EYS: variants seen among roughly 807,000 people sequenced by gnomAD.
EYS encodes protein eyes shut homolog.
Under a neutral mutation model 282.1 loss-of-function variants are expected in EYS, and 250 were observed. The ratio of observed to expected loss-of-function variants is 0.89; its 90% CI spans 0.80 to 0.98. The LOEUF (loss-of-function observed/expected upper bound fraction) is 0.98, where lower values mean the gene tolerates loss of function less well. EYS is among the 50% of genes least tolerant of loss of function. The pLI is 0.00. For missense variants in EYS, 4,016 were observed against 3,709.0 expected, an observed-to-expected ratio of 1.08 and a Z score of -2.15; for synonymous variants, 1,355 against 1,282.9, an observed-to-expected ratio of 1.06 and a Z score of -1.20.
At chr6:64,000,168 CTTTTTTTTTTTTTTTTTTTTTTTTTTT>C (rs71551553) in intron 33 of EYS, among the ~76,000 whole-genome samples, 12 of 42,716 alleles carry the variant, frequency 2.8e-4, no homozygotes, top group Admixed American at 6.5e-4. Flanking sequence ...AGACATGGGA[CTTTTTTTTTTTTTTTTTTTTTTTTTTT>C]TTTTTTTTTT....
intron 22 of EYS, among the ~76,000 whole-genome samples, chr6:64,702,044 T>C (rs949788287): frequency 6.6e-6 from 1 of 151,608 alleles, no homozygotes; most frequent in South Asian, 2.1e-4. Context: ...CCTTTTTTTT[T>C]CTCATTGGTT....
rs1460670772 is a variant in EYS at position 64,486,047 on chromosome 6, A to ATTCC, written c.5645-46696_5645-46695insGGAA. On this transcript the variant is annotated intron_variant, in intron 26 of 42. Coordinates refer to ENST00000503581, the MANE Select transcript of EYS (RefSeq NM_001142800.2). ...TTAAAAAGTATTGTTTTTCCACTGT[A>ATTCC]ACCTTTTATTGTAATCAAATGTGAT... Among the ~76,000 whole-genome samples, 11 of 151,636 alleles carry ATTCC rather than the reference A, an allele frequency of 7.3e-5. 1 individual carries two copies. In the South Asian group the frequency reaches 2.3e-3, roughly 31 times the overall value.
At chr6:64,902,310 T>C in intron 17 of EYS, 90 bp from the exon 18 acceptor site, 2 of 1,306,456 alleles carry the variant, frequency 1.5e-6, no homozygotes, top group South Asian at 2.7e-5. Flanking sequence ...TTTTAATAAT[T>C]ATAATTGTTG....
At chr6:64,075,144 C>T (rs527535617) in intron 32 of EYS, among the ~76,000 whole-genome samples, 43 of 152,014 alleles carry the variant, frequency 2.8e-4, no homozygotes, top group Admixed American at 2.3e-3. Flanking sequence ...TTCCTGGTTC[C>T]CCCTAAAGGT....
At chr6:64,197,887 C>A (rs1463985202) in intron 31 of EYS, among the ~76,000 whole-genome samples, 1 of 151,680 alleles carries the variant, frequency 6.6e-6, no homozygotes, top group Non-Finnish European at 1.5e-5. Flanking sequence ...TGGGAAAATT[C>A]AGTTTATATA....
rs1024334145 is a variant in EYS, at chr6:64,890,055, C to CT, written c.2847-3214_2847-3213insA. On this transcript the variant is annotated intron_variant, in intron 18 of 42. Transcript: ENST00000503581. ...TATAGGCCTATAAATGCCCCCCCCC[C>CT]CCAAGGTGTGCCCATCTCTTATGGT... is the stretch of plus-strand genomic sequence containing the variant. Among the ~76,000 whole-genome samples, 12 of 149,918 alleles carry CT rather than the reference C, an allele frequency of 8.0e-5. No individual in the cohort carries two copies. The East Asian group carries it at 1.4e-3, about 18-fold the overall frequency.
intron 12 of EYS, among the ~76,000 whole-genome samples, chr6:65,195,774 CATAGAG>C (rs1765750416): frequency 6.6e-6 from 1 of 152,016 alleles, no homozygotes; most frequent in Admixed American, 6.6e-5. Context: ...CCCAAGCTGG[CATAGAG>C]ATAAATTTGA....
chr6:64,962,639 C>T (rs973547432), intron 14 of EYS, among the ~76,000 whole-genome samples: 3 of 151,768 alleles, frequency 2.0e-5, no homozygotes, highest in Non-Finnish European at 4.4e-5. Context: ...ACTCATGAGG[C>T]TGAGGGGCTG....
chr6:65,371,237 T>C (rs949922478), intron 8 of EYS, among the ~76,000 whole-genome samples: 3 of 151,928 alleles, frequency 2.0e-5, no homozygotes, highest in South Asian at 4.1e-4. Context: ...TGTTAGGTAT[T>C]ACAAGTAATC....
At chr6:65,213,013 ATTCAACTGTTTTTCTTTATTTT>A (rs1355774856) in intron 12 of EYS, among the ~76,000 whole-genome samples, 1 of 152,120 alleles carries the variant, frequency 6.6e-6, no homozygotes, top group Non-Finnish European at 1.5e-5. Flanking sequence ...TGGCAGGATT[ATTCAACTGTTTTTCTTTATTTT>A]TTTTTCCTTT....
At chr6:64,235,238 C>A (rs547584129) in intron 30 of EYS, among the ~76,000 whole-genome samples, 3 of 146,064 alleles carry the variant, frequency 2.1e-5, no homozygotes, top group East Asian at 4.1e-4. Context: ...ATCCCTCCCC[C>A]CTCCCCCTAC....
At chr6:64,156,890 TAA>T (rs1418121528) in intron 31 of EYS, among the ~76,000 whole-genome samples, 3 of 151,860 alleles carry the variant, frequency 2.0e-5, no homozygotes, top group African/African-American at 7.3e-5. Context: ...AATTTTTAAT[TAA>T]TTTATTTTTT....
chr6:65,542,480 T>TGC (rs1359937600), intron 2 of EYS, among the ~76,000 whole-genome samples: 1 of 132,660 alleles, frequency 7.5e-6, no homozygotes, highest in Admixed American at 7.3e-5. Context: ...AGAATGTGTG[T>TGC]GTGTGTGTGT....
intron 36 of EYS, among the ~76,000 whole-genome samples, chr6:63,834,815 A>G (rs1214855334): frequency 2.0e-5 from 3 of 151,958 alleles, no homozygotes; most frequent in Non-Finnish European, 4.4e-5. Flanking sequence ...ATGTCCATCA[A>G]TGATAGACTA....
intron 26 of EYS, among the ~76,000 whole-genome samples, chr6:64,497,125 A>G (rs570035993): frequency 1.4e-4 from 21 of 152,268 alleles, no homozygotes; most frequent in Admixed American, 2.6e-4. Context: ...TAACAGACAC[A>G]ATGCAAGTAT....
intron 14 of EYS, among the ~76,000 whole-genome samples, chr6:64,958,105 C>T (rs1769772203): frequency 6.6e-6 from 1 of 151,768 alleles, no homozygotes; most frequent in Admixed American, 6.6e-5. Context: ...GTATATATAT[C>T]ACACATAAAA....
intron 36 of EYS, among the ~76,000 whole-genome samples, chr6:63,860,223 C>T (rs1772499437): frequency 6.6e-6 from 1 of 152,076 alleles, no homozygotes; most frequent in Non-Finnish European, 1.5e-5. Flanking sequence ...AGTATTGATG[C>T]CTGTTGATGT....
chr6:65,650,313 T>C (rs1767608259), intron 1 of EYS, among the ~76,000 whole-genome samples: 1 of 152,200 alleles, frequency 6.6e-6, no homozygotes, highest in South Asian at 2.1e-4. Context: ...ATGCTCTCTT[T>C]GAGGTCTGAA....
intron 31 of EYS, among the ~76,000 whole-genome samples, chr6:64,181,543 A>G (rs559527364): frequency 1.2e-4 from 18 of 152,186 alleles, no homozygotes; most frequent in Non-Finnish European, 2.4e-4. Context: ...TCTTTATTAC[A>G]TTTCTGGTGG....
Sources: allele counts gnomAD v4.1 joint callset (sites outside exome capture counted in the v4.1 genomes callset), GRCh38; gene constraint gnomAD v4.1.1; transcripts MANE v1.5; gene names NCBI Gene and HGNC (gene_info 2026-07-23, HGNC 2026-07-21).